Variants in DNAH11 observed in about 807,000 individuals in gnomAD.
The protein encoded by DNAH11 is dynein axonemal heavy chain 11.
DNAH11 carries 442 observed loss-of-function variants against 526.0 expected under a neutral mutation model. That is an observed-to-expected ratio of 0.84 (90% CI 0.78 to 0.91). The LOEUF is 0.91. Ranked by LOEUF, DNAH11 falls within the 40% of genes least tolerant of loss-of-function variation. DNAH11 has a pLI of 0.00. For missense variants in DNAH11, 6,989 were observed against 5,448.7 expected (o/e 1.28, Z -8.90); for synonymous variants, 2,461 against 1,935.9 (o/e 1.27, Z -7.12).
intron 44 of DNAH11, among the ~76,000 whole-genome samples, chr7:21,722,539 C>T (rs1784919495): frequency 6.6e-6 from 1 of 152,146 alleles, no homozygotes; most frequent in South Asian, 2.1e-4. Flanking sequence ...AGTTCCACTT[C>T]TCGCCACTAG....
intron 29 of DNAH11, 55 bp downstream of exon 29, chr7:21,656,036 T>G: frequency 6.7e-7 from 1 of 1,486,916 alleles, no homozygotes; most frequent in East Asian, 2.4e-5. Context: ...AGCATGCTCT[T>G]AGAAGGTTGA....
At chr7:21,733,908 TATAGGATGACCAAC>T in intron 45 of DNAH11, among the ~76,000 whole-genome samples, 2 of 152,256 alleles carry the variant, frequency 1.3e-5, no homozygotes, top group Middle Eastern at 6.8e-3. Context: ...GGGTAGTAAG[TATAGGATGACCAAC>T]AGTTCTAGTT....
In DNAH11 at chr7:21,896,054, T is replaced by C. The variant is rs111372960; in HGVS notation, c.13049+1055T>C. Among the ~76,000 whole-genome samples the C allele has an allele frequency of 6.6e-3, 1,004 of 152,320 alleles. 13 individuals are homozygous for C. Among genetic ancestry groups the C allele is most frequent in the African/African-American group, 0.023 (946 of 41,586 alleles). On this transcript the variant is annotated intron_variant, in intron 79 of 81. Transcript: ENST00000409508. ...CACACTTTTGATTTTTCTAACACAATGTTAGAGCCTTCAGCTTCCCTCTGA... is the reference window on the plus strand; with the variant it reads ...CACACTTTTGATTTTTCTAACACAACGTTAGAGCCTTCAGCTTCCCTCTGA...
intron 39 of DNAH11, 39 bp from the exon 40 acceptor site, chr7:21,707,660 T>A (rs1046545705): frequency 6.9e-6 from 11 of 1,597,556 alleles, no homozygotes; most frequent in Non-Finnish European, 9.4e-6. Flanking sequence ...TGGCTTATGT[T>A]AGTATTAATT....
chr7:21,713,596 C>T (rs1784541866), intron 42 of DNAH11, among the ~76,000 whole-genome samples: 1 of 152,096 alleles, frequency 6.6e-6, no homozygotes, highest in Non-Finnish European at 1.5e-5. Context: ...CTTCCATTTC[C>T]TCTACTTCTT....
chr7:21,901,249 G>GCGTAAGGTAACACTGGCATTCCT lies in DNAH11; in HGVS notation c.13548_*19dup. ...GGCTGGAGTGGCTCTGCTTCTAGAA[G>GCGTAAGGTAACACTGGCATTCCT]CGTAAGGTAACACTGGCATTCCTCT... is the stretch of plus-strand genomic sequence containing the variant. On this transcript the variant is annotated stop_gained and frameshift_variant, in exon 82 of 82. Coordinates refer to ENST00000409508, the MANE Select transcript of DNAH11 (RefSeq NM_001277115.2). LOFTEE classifies it high-confidence loss of function. 1 of 1,603,044 alleles carries GCGTAAGGTAACACTGGCATTCCT rather than the reference G, an allele frequency of 6.2e-7. No individual in the cohort carries two copies.
In DNAH11 at chr7:21,800,814, G is replaced by A. The variant is rs144029840; in HGVS notation, c.10027-323G>A. On this transcript the variant is annotated intron_variant, in intron 61 of 81. Transcript: ENST00000409508. Reference sequence around the variant, plus strand: ...AGGATGAGGCTTGGGTGCAAGAGCAGAGGGGGATGATAGTGCACCCACGGC... The same window carrying A: ...AGGATGAGGCTTGGGTGCAAGAGCAAAGGGGGATGATAGTGCACCCACGGC... Among the ~76,000 whole-genome samples the A allele has an allele frequency of 1.0e-3, 152 of 152,290 alleles. 1 individual carries two copies. The highest frequency in any genetic ancestry group is 3.5e-3 in the African/African-American group (145 of 41,560).
At chr7:21,618,057 A>G in intron 23 of DNAH11, 1 of 267,394 alleles carries the variant, frequency 3.7e-6, no homozygotes, top group Non-Finnish European at 7.0e-6. Context: ...CAGTACACAG[A>G]TTGCACAACT....
At chr7:21,876,958 C>T (rs1783738874) in intron 74 of DNAH11, among the ~76,000 whole-genome samples, 1 of 152,218 alleles carries the variant, frequency 6.6e-6, no homozygotes, top group South Asian at 2.1e-4. Context: ...TTAAGGAAGG[C>T]AATCAGCAGT....
intron 36 of DNAH11, 108 bp from the exon 37 acceptor site, chr7:21,702,600 AGT>A (rs1784111110): frequency 1.3e-6 from 1 of 791,188 alleles, no homozygotes. Context: ...GAATCATTAA[AGT>A]GTGTATTTAT....
At chr7:21,690,930 A>G (rs768449893) in intron 35 of DNAH11, 49 bp downstream of exon 35, 3 of 1,391,068 alleles carry the variant, frequency 2.2e-6, no homozygotes, top group South Asian at 2.5e-5. Flanking sequence ...CATGCCACCT[A>G]ATGTTGTTGG....
intron 65 of DNAH11, among the ~76,000 whole-genome samples, chr7:21,820,186 C>A (rs534597445): frequency 1.3e-5 from 2 of 152,260 alleles, no homozygotes; most frequent in Admixed American, 6.5e-5. Flanking sequence ...ATTGAGTAAA[C>A]CTTCTCTGAG....
intron 60 of DNAH11, among the ~76,000 whole-genome samples, chr7:21,788,521 C>T (rs1788290279): frequency 2.0e-5 from 3 of 151,982 alleles, no homozygotes; most frequent in African/African-American, 7.2e-5. Context: ...TGGCTGCATT[C>T]TGTGTTTATT....
At chr7:21,585,601 G>GA (rs1383012501) in intron 9 of DNAH11, among the ~76,000 whole-genome samples, 1 of 152,102 alleles carries the variant, frequency 6.6e-6, no homozygotes, top group Non-Finnish European at 1.5e-5. Context: ...AAATACTACT[G>GA]AATGGCTCTC....
chr7:21,556,037 C>T (rs56284737), intron 2 of DNAH11, among the ~76,000 whole-genome samples: 18,482 of 152,234 alleles, frequency 0.12, 1,269 homozygotes, highest in East Asian at 0.17. Flanking sequence ...GGTCATTTAT[C>T]TCCTAGCATG....
At chr7:21,789,892 C>CTTCTTT (rs1312877014) in intron 61 of DNAH11, among the ~76,000 whole-genome samples, 2 of 138,896 alleles carry the variant, frequency 1.4e-5, no homozygotes, top group African/African-American at 5.5e-5. Flanking sequence ...TTCTTTCTTT[C>CTTCTTT]CTTTCCCCTC....
rs1377289675 is a variant in DNAH11 at position 21,816,505 on chromosome 7, C to G, written c.10371C>G (p.Ser3457=). Residue 3457 remains serine (S), a synonymous_variant, in exon 64 of 82, where the codon TCC becomes TCG. Transcript: ENST00000409508. The stretch of plus-strand genomic sequence containing the variant: ...TAACCGAAGGCCTGGACTTGATATC[C>G]ATGTTGACGGATGATGCTACAATTG... The part of the protein sequence containing the change: ...IPLTEGLDLI[S]MLTDDATIAA... 4 of 1,611,072 alleles carry G rather than the reference C, an allele frequency of 2.5e-6. No individual in the cohort carries two copies. In the Admixed American group the frequency reaches 6.7e-5, roughly 27 times the overall value.
At position 21,635,941 on chromosome 7, in the gene DNAH11, ATAAAT is replaced by A. The variant is rs1238904168; in HGVS notation, c.4576_4580del (p.Leu1526HisfsTer38). The A allele has an allele frequency of 1.2e-6, 2 of 1,613,346 alleles. No homozygotes were observed. Among genetic ancestry groups the A allele is most frequent in the African/African-American group, 1.3e-5 (1 of 74,930 alleles). ...ATTGAGCAAGTGTTAAGCTGGCAAAATAAATTAAACATAGCAGACTTGGTCATCTT... is the reference window on the plus strand; with the variant it reads ...ATTGAGCAAGTGTTAAGCTGGCAAAATAAACATAGCAGACTTGGTCATCTT... On this transcript the variant is annotated frameshift_variant, in exon 26 of 82. Transcript: ENST00000409508. LOFTEE classifies it high-confidence loss of function.
chr7:21,727,901 G>A (rs888879464), intron 45 of DNAH11, among the ~76,000 whole-genome samples: 10 of 152,170 alleles, frequency 6.6e-5, no homozygotes, highest in African/African-American at 2.2e-4. Context: ...CTTTCTCCTC[G>A]GTTTGCTGAT....
Sources: allele counts gnomAD v4.1 joint callset (sites outside exome capture counted in the v4.1 genomes callset), GRCh38; gene constraint gnomAD v4.1.1; transcripts MANE v1.5; gene names NCBI Gene and HGNC (gene_info 2026-07-23, HGNC 2026-07-21).